Variants in COPG2 observed in about 807,000 individuals in gnomAD.
COPG2 encodes the protein coatomer subunit gamma-2.
Under a neutral mutation model 46.3 loss-of-function variants are expected in COPG2, and 37 were observed. The ratio of observed to expected loss-of-function variants is 0.80; its 90% CI spans 0.61 to 1.05. COPG2 has a LOEUF of 1.05. Among genes scored for constraint, COPG2 ranks in the 50% least tolerant of loss-of-function variants. COPG2 has a pLI of 0.00. For missense variants in COPG2, 427 were observed against 387.8 expected, an observed-to-expected ratio of 1.10 and a Z score of -0.85; for synonymous variants, 159 against 129.7, an observed-to-expected ratio of 1.23 and a Z score of -1.53.
At position 130,506,639 on chromosome 7, in the gene COPG2, T is replaced by A. The variant is rs371696273; in HGVS notation, c.*37A>T. The A allele has an allele frequency of 6.5e-6, 5 of 767,232 alleles. No individual in the cohort carries two copies. The African/African-American group carries it at 8.5e-5, about 13-fold the overall frequency. The allele number at this position is 767,232 out of a possible 1,614,324, so 47.5% of individuals were successfully genotyped here. A position where few individuals can be genotyped will look rare whatever the true frequency, so the allele number is the denominator to read the frequency against. On this transcript the variant is annotated 3_prime_UTR_variant, in exon 24 of 24. Coordinates refer to ENST00000425248, the MANE Select transcript of COPG2 (RefSeq NM_012133.6). ...CACTAGCCTAAAAGCCCACTGACCA[T>A]GTAGTGTGCATCAGTTTCCTCTTGT...
chr7:130,578,460 T>G (rs373919571), intron 9 of COPG2, among the ~76,000 whole-genome samples: 1 of 151,904 alleles, frequency 6.6e-6, no homozygotes, highest in African/African-American at 2.4e-5. Flanking sequence ...TCCAAAGGAA[T>G]GCAGTTCCTC....
intron 9 of COPG2, chr7:130,607,398 C>T (rs1554451417): frequency 4.7e-6 from 2 of 428,150 alleles, no homozygotes; most frequent in Admixed American, 5.4e-5. Context: ...CTACTAGTCA[C>T]ATTTTCCAAA....
At chr7:130,527,979 G>C (rs1228232501) in intron 20 of COPG2, among the ~76,000 whole-genome samples, 2 of 152,132 alleles carry the variant, frequency 1.3e-5, no homozygotes, top group East Asian at 1.9e-4. Context: ...TGAGAGCAGA[G>C]AGCAGGGGAT....
At chr7:130,638,697 T>C (rs1795397048) in intron 5 of COPG2, among the ~76,000 whole-genome samples, 1 of 152,022 alleles carries the variant, frequency 6.6e-6, no homozygotes, top group South Asian at 2.1e-4. Context: ...GCTAGACCAC[T>C]TGGCTCCCTG....
At chr7:130,632,220 T>C (rs560167093) in intron 5 of COPG2, among the ~76,000 whole-genome samples, 1 of 152,222 alleles carries the variant, frequency 6.6e-6, no homozygotes, top group Non-Finnish European at 1.5e-5. Flanking sequence ...CTGGAAGATA[T>C]TTTCAGTGGA....
intron 9 of COPG2, among the ~76,000 whole-genome samples, chr7:130,591,044 T>G (rs1794398498): frequency 7.2e-6 from 1 of 138,220 alleles, no homozygotes; most frequent in African/African-American, 2.8e-5. Flanking sequence ...AGGAGGGAGG[T>G]GGGGGTCAGC....
At chr7:130,528,134 T>C (rs988916779) in intron 20 of COPG2, among the ~76,000 whole-genome samples, 176 of 151,712 alleles carry the variant, frequency 1.2e-3, no homozygotes, top group African/African-American at 2.9e-3. Context: ...GGAGCCGGGT[T>C]TCAGGCAGGG....
At chr7:130,594,640 C>G (rs1351912349) in intron 9 of COPG2, among the ~76,000 whole-genome samples, 1 of 152,086 alleles carries the variant, frequency 6.6e-6, no homozygotes, top group Non-Finnish European at 1.5e-5. Flanking sequence ...CCAACATATA[C>G]AAAGAACTAA....
chr7:130,513,325 A>ATGTGTGTGTGTGTGTGTGTG (rs1447026285), intron 20 of COPG2, among the ~76,000 whole-genome samples: 27 of 50,586 alleles, frequency 5.3e-4, no homozygotes, highest in South Asian at 3.5e-3. Context: ...ATATATATAT[A>ATGTGTGTGTGTGTGTGTGTG]TATATATATA....
At chr7:130,624,649 T>A (rs1795088388) in intron 5 of COPG2, among the ~76,000 whole-genome samples, 1 of 152,204 alleles carries the variant, frequency 6.6e-6, no homozygotes, top group African/African-American at 2.4e-5. Context: ...AGCTCCCACC[T>A]GTAAGTTAAA....
At chr7:130,613,102 G>A (rs1375948778) in intron 7 of COPG2, among the ~76,000 whole-genome samples, 1 of 152,186 alleles carries the variant, frequency 6.6e-6, no homozygotes, top group East Asian at 1.9e-4. Context: ...TTGGTTTTAT[G>A]GAAGACAATT....
intron 9 of COPG2, among the ~76,000 whole-genome samples, chr7:130,570,540 A>G (rs1364782384): frequency 2.0e-5 from 3 of 152,118 alleles, no homozygotes; most frequent in Admixed American, 6.5e-5. Context: ...CACTGCTGAA[A>G]GAAATCATAC....
At chr7:130,668,190 G>A (rs572054585) in intron 1 of COPG2, among the ~76,000 whole-genome samples, 2 of 152,228 alleles carry the variant, frequency 1.3e-5, no homozygotes, top group South Asian at 4.2e-4. Context: ...AAAACGATAA[G>A]GTACCAGGCA....
At chr7:130,514,505 G>C (rs1433101666) in intron 20 of COPG2, among the ~76,000 whole-genome samples, 2 of 152,208 alleles carry the variant, frequency 1.3e-5, no homozygotes, top group African/African-American at 2.4e-5. Context: ...CTACAGATGA[G>C]AGACAGACAC....
At chr7:130,549,859 A>G (rs1306063939) in intron 17 of COPG2, among the ~76,000 whole-genome samples, 7 of 152,208 alleles carry the variant, frequency 4.6e-5, no homozygotes, top group African/African-American at 1.7e-4. Flanking sequence ...TGTCGCCCAT[A>G]AATTCTTTTA....
chr7:130,513,973 G>A (rs1370067319), intron 20 of COPG2, among the ~76,000 whole-genome samples: 1 of 152,208 alleles, frequency 6.6e-6, no homozygotes, highest in Non-Finnish European at 1.5e-5. Flanking sequence ...TGTGTAAAGG[G>A]AGAACTATAC....
chr7:130,548,625 A>G (rs916222481), intron 18 of COPG2, 83 bp from the exon 19 acceptor site: 1 of 395,600 alleles, frequency 2.5e-6, no homozygotes, highest in Non-Finnish European at 4.5e-6. Flanking sequence ...TTAGTTGGCC[A>G]GGAGCAGTGG....
chr7:130,530,927 G>A (rs951683461), intron 20 of COPG2, among the ~76,000 whole-genome samples: 148 of 151,904 alleles, frequency 9.7e-4, no homozygotes, highest in African/African-American at 3.4e-3. Flanking sequence ...TTCGGCATAG[G>A]GAACGGAAAG....
Position 130,561,135 on chromosome 7 carries a change from G to A in COPG2, c.1026C>T (p.Thr342=). The A allele has an allele frequency of 5.0e-6, 2 of 398,566 alleles. No individual in the cohort carries two copies. Among genetic ancestry groups the A allele is most frequent in the Admixed American group, 8.8e-5 (2 of 22,732 alleles). 24.7% of individuals were successfully genotyped at this position (398,566 alleles called of 1,614,324 possible). The change falls in exon 12 of 24, where the codon ACC becomes ACT. Residue 342 remains threonine (T), a synonymous_variant. Coordinates refer to ENST00000425248, the MANE Select transcript of COPG2 (RefSeq NM_012133.6). Reference sequence around the variant, plus strand: ...TTTTGAGGAGTGTAGTAATGGCTAAGGTAGCAATGCTTCTGTTTGAGTCTG... The same window carrying A: ...TTTTGAGGAGTGTAGTAATGGCTAAAGTAGCAATGCTTCTGTTTGAGTCTG... ...LITDSNRSIA[T]LAITTLLKTG...
Sources: gnomAD v4.1 joint callset for allele counts (sites outside exome capture counted in the v4.1 genomes callset) on GRCh38, gnomAD v4.1.1 for gene constraint, MANE v1.5 for transcripts, NCBI Gene and HGNC (gene_info 2026-07-23, HGNC 2026-07-21) for gene names.